C16orf74: variants seen among roughly 807,000 people sequenced by gnomAD.
The protein encoded by C16orf74 is calcimembrin, also known as uncharacterized protein C16orf74.
A neutral mutation model predicts 6.5 loss-of-function variants in C16orf74; 10 were observed. The ratio of observed to expected loss-of-function variants is 1.54; its 90% CI spans 0.95 to 2.61. The LOEUF (loss-of-function observed/expected upper bound fraction) is 2.61. Among genes scored for constraint, C16orf74 ranks in the 30% most tolerant of loss-of-function variants. The probability of loss-of-function intolerance (pLI) is 0.00; values close to 1 mark genes in which losing one functional copy is unlikely to be tolerated. For synonymous variants in C16orf74, 60 were observed against 42.5 expected (o/e 1.41, Z -1.60); for missense variants, 141 against 105.9 (o/e 1.33, Z -1.45).
intron 1 of C16orf74, among the ~76,000 whole-genome samples, chr16:85,736,998 G>A (rs1359969689): frequency 1.3e-5 from 2 of 151,934 alleles, no homozygotes; most frequent in African/African-American, 4.8e-5. Flanking sequence ...AGCTGAGATC[G>A]TGCCACTGCA....
intron 3 of C16orf74, 97 bp downstream of exon 3, chr16:85,710,067 C>G: frequency 9.3e-7 from 1 of 1,079,552 alleles, no homozygotes; most frequent in African/African-American, 1.7e-5. Flanking sequence ...GGTGGGGACG[C>G]AAGCTAGGCC....
chr16:85,730,928 C>A (rs1312980092), intron 2 of C16orf74, among the ~76,000 whole-genome samples: 1 of 150,694 alleles, frequency 6.6e-6, no homozygotes, highest in Non-Finnish European at 1.5e-5. Flanking sequence ...GACCAGTGAA[C>A]TGGACCCCAC....
chr16:85,723,280 A>AG, intron 2 of C16orf74, among the ~76,000 whole-genome samples: 1 of 137,666 alleles, frequency 7.3e-6, no homozygotes, highest in African/African-American at 2.7e-5. Context: ...AAAAAAAAAA[A>AG]GGCCAGGTGC....
chr16:85,720,607 T>TA (rs1555584463), intron 2 of C16orf74, among the ~76,000 whole-genome samples: 11 of 151,950 alleles, frequency 7.2e-5, no homozygotes, highest in Admixed American at 4.6e-4. Context: ...ACCCCATCTC[T>TA]AAAAAAATTT....
At chr16:85,740,381 C>A (rs529513919) in intron 1 of C16orf74, among the ~76,000 whole-genome samples, 1 of 151,312 alleles carries the variant, frequency 6.6e-6, no homozygotes, top group African/African-American at 2.4e-5. Flanking sequence ...ATGGTGAAAC[C>A]CCATCTCTCT....
chr16:85,741,110 G>C (rs1312179091), intron 1 of C16orf74, among the ~76,000 whole-genome samples: 6 of 152,230 alleles, frequency 3.9e-5, no homozygotes, highest in Non-Finnish European at 2.9e-5. Context: ...AGACAGGGCA[G>C]CTCAGTGAGA....
chr16:85,750,090 C>G (rs977421279), intron 1 of C16orf74, among the ~76,000 whole-genome samples: 1 of 152,206 alleles, frequency 6.6e-6, no homozygotes. Context: ...TCAGGGTATC[C>G]CTCTCAGAGC....
intron 2 of C16orf74, among the ~76,000 whole-genome samples, chr16:85,713,600 C>A (rs756380878): frequency 6.6e-6 from 1 of 152,206 alleles, no homozygotes; most frequent in African/African-American, 2.4e-5. Flanking sequence ...TAAGGACACC[C>A]GTCATATTGG....
chr16:85,730,921 C>A (rs2054180908), intron 2 of C16orf74, among the ~76,000 whole-genome samples: 2 of 151,286 alleles, frequency 1.3e-5, no homozygotes, highest in South Asian at 4.2e-4. Flanking sequence ...CCTCCCAGAC[C>A]AGTGAACTGG....
At chr16:85,721,755 G>A (rs905797841) in intron 2 of C16orf74, among the ~76,000 whole-genome samples, 28 of 152,152 alleles carry the variant, frequency 1.8e-4, no homozygotes, top group African/African-American at 5.8e-4. Flanking sequence ...CTGGCATGGA[G>A]CTGCTGGCTT....
intron 1 of C16orf74, among the ~76,000 whole-genome samples, chr16:85,749,904 T>A (rs1003165126): frequency 1.3e-5 from 2 of 152,182 alleles, no homozygotes; most frequent in African/African-American, 4.8e-5. Flanking sequence ...TTTCCATAAA[T>A]ACACGGCCTC....
At chr16:85,723,691 G>A (rs765112207) in intron 2 of C16orf74, among the ~76,000 whole-genome samples, 2 of 152,238 alleles carry the variant, frequency 1.3e-5, no homozygotes, top group East Asian at 3.8e-4. Flanking sequence ...CTGAAGTCCT[G>A]CTTGGGCAAG....
chr16:85,723,838 C>G (rs1163508252), intron 2 of C16orf74, among the ~76,000 whole-genome samples: 1 of 152,182 alleles, frequency 6.6e-6, no homozygotes, highest in Admixed American at 6.5e-5. Context: ...AAACAGGGCA[C>G]AAGAGCAGGC....
chr16:85,726,209 G>T (rs1305667015), intron 2 of C16orf74, among the ~76,000 whole-genome samples: 1 of 152,102 alleles, frequency 6.6e-6, no homozygotes, highest in Non-Finnish European at 1.5e-5. Context: ...CTGGGTGTGT[G>T]TTTGTTCACA....
At chr16:85,711,332 AGGCTGGGCG>A (rs1372674958) in intron 2 of C16orf74, among the ~76,000 whole-genome samples, 3 of 144,986 alleles carry the variant, frequency 2.1e-5, no homozygotes, top group Non-Finnish European at 4.5e-5. Flanking sequence ...AAAAAAAAAA[AGGCTGGGCG>A]TGGTGGCTCA....
chr16:85,741,814 T>A (rs1231988376), intron 1 of C16orf74: 1 of 165,136 alleles, frequency 6.1e-6, no homozygotes, highest in East Asian at 1.9e-4. Flanking sequence ...CAAACAGGCA[T>A]TGAGCCACCA....
chr16:85,726,388 GGGAACCAGCACCAT>G lies in C16orf74; in HGVS notation c.28+8788_28+8801del, dbSNP rs375867035. Among the ~76,000 whole-genome samples, 1,011 of 152,314 alleles carry G rather than the reference GGGAACCAGCACCAT, an allele frequency of 6.6e-3. 9 individuals are homozygous for G. The highest frequency in any genetic ancestry group is 0.023 in the African/African-American group (964 of 41,548). On this transcript the variant is annotated intron_variant, in intron 2 of 3. Coordinates refer to ENST00000284245, the MANE Select transcript of C16orf74 (RefSeq NM_206967.3). Reference sequence around the variant, plus strand: ...CTCTGGGCTCTGTCCCGCACTGGAAGGGAACCAGCACCATGGAACAGCGACTGTGCGTTGGCTCC... The same window carrying G: ...CTCTGGGCTCTGTCCCGCACTGGAAGGGAACAGCGACTGTGCGTTGGCTCC...
chr16:85,745,195 T>C (rs1598811129), intron 1 of C16orf74, among the ~76,000 whole-genome samples: 1 of 148,216 alleles, frequency 6.7e-6, no homozygotes, highest in East Asian at 2.0e-4. Context: ...TGGTCACGGA[T>C]TCTCTCTGGT....
At chr16:85,717,069 C>G (rs1205569986) in intron 2 of C16orf74, among the ~76,000 whole-genome samples, 1 of 152,222 alleles carries the variant, frequency 6.6e-6, no homozygotes, top group East Asian at 1.9e-4. Flanking sequence ...AGGCTTCGTG[C>G]TCCGGGTCAC....
Sources: allele counts gnomAD v4.1 joint callset (sites outside exome capture counted in the v4.1 genomes callset), GRCh38; gene constraint gnomAD v4.1.1; transcripts MANE v1.5; gene names NCBI Gene and HGNC (gene_info 2026-07-23, HGNC 2026-07-21).